Variants in SPATA6 observed in about 807,000 individuals in gnomAD.
SPATA6 encodes spermatogenesis-associated protein 6.
Under a neutral mutation model 65.3 loss-of-function variants are expected in SPATA6, and 56 were observed. The ratio of observed to expected loss-of-function variants is 0.86; its 90% CI spans 0.69 to 1.07. The LOEUF (loss-of-function observed/expected upper bound fraction) is 1.07. Ranked by LOEUF, SPATA6 falls within the 50% of genes least tolerant of loss-of-function variation. The pLI is 0.00. For synonymous variants in SPATA6, 199 were observed against 213.2 expected, an observed-to-expected ratio of 0.93 and a Z score of 0.58; for missense variants, 590 against 594.8, an observed-to-expected ratio of 0.99 and a Z score of 0.08.
At chr1:48,377,290 T>C (rs1648032321) in intron 9 of SPATA6, among the ~76,000 whole-genome samples, 1 of 149,596 alleles carries the variant, frequency 6.7e-6, no homozygotes, top group Non-Finnish European at 1.5e-5. Context: ...AAATCTCCAA[T>C]ATGTCCTAAA....
Position 48,296,371 on chromosome 1 carries a change from GCCC to G in SPATA6, c.*2339_*2341del, listed in dbSNP as rs765571711. 3.9e-5 allele frequency: 6 copies of G among 152,232 alleles called. No homozygotes were observed. Among genetic ancestry groups the G allele is most frequent in the Non-Finnish European group, 5.9e-5 (4 of 67,982 alleles). The allele number at this position is 152,232 out of a possible 1,614,324, so 9.4% of individuals were successfully genotyped here. On this transcript the variant is annotated 3_prime_UTR_variant, in exon 13 of 13. Transcript: ENST00000371847. ...AGATGCTATTAGTATCTGGGAATTTGCCCCCAACTTTCAGAAAGACACTAAATT... is the reference window on the plus strand; with the variant it reads ...AGATGCTATTAGTATCTGGGAATTTGCCAACTTTCAGAAAGACACTAAATT...
At chr1:48,366,143 C>G (rs563479640) in intron 9 of SPATA6, among the ~76,000 whole-genome samples, 3 of 152,156 alleles carry the variant, frequency 2.0e-5, no homozygotes, top group African/African-American at 7.2e-5. Flanking sequence ...AGGGATGAAG[C>G]CCACTTGATC....
At chr1:48,343,878 AC>A (rs1386682255) in intron 11 of SPATA6, among the ~76,000 whole-genome samples, 1 of 152,210 alleles carries the variant, frequency 6.6e-6, no homozygotes, top group Non-Finnish European at 1.5e-5. Context: ...CTTTGAAGTT[AC>A]CATCAAAGGA....
intron 3 of SPATA6, among the ~76,000 whole-genome samples, chr1:48,428,825 G>GTGTGTATATATA (rs1243627965): frequency 1.6e-5 from 2 of 123,784 alleles, no homozygotes; most frequent in Non-Finnish European, 3.6e-5. Flanking sequence ...GTATATATAT[G>GTGTGTATATATA]TGTGTATATA....
chr1:48,362,458 T>C (rs1646843809), intron 9 of SPATA6, among the ~76,000 whole-genome samples: 1 of 152,148 alleles, frequency 6.6e-6, no homozygotes, highest in Admixed American at 6.6e-5. Context: ...AGCATTGCTT[T>C]ATATAAAGCC....
intron 3 of SPATA6, among the ~76,000 whole-genome samples, chr1:48,424,948 C>T (rs543701173): frequency 6.6e-6 from 1 of 152,228 alleles, no homozygotes; most frequent in African/African-American, 2.4e-5. Context: ...GTTGTCTCTT[C>T]ACTTTGCTGT....
At chr1:48,444,073 T>C (rs1419869147) in intron 3 of SPATA6, among the ~76,000 whole-genome samples, 3 of 152,196 alleles carry the variant, frequency 2.0e-5, no homozygotes, top group African/African-American at 4.8e-5. Context: ...AGGAGTTGGG[T>C]TGTCCTGTTT....
At chr1:48,325,333 C>T (rs74964904) in intron 11 of SPATA6, 43,929 of 1,294,936 alleles carry the variant, frequency 0.034, 1,214 homozygotes, top group African/African-American at 0.13. Flanking sequence ...CACAGGCCCC[C>T]GTAGAGTCCT....
intron 12 of SPATA6, among the ~76,000 whole-genome samples, chr1:48,299,548 T>C (rs1242844889): frequency 3.6e-5 from 3 of 82,506 alleles, no homozygotes; most frequent in Non-Finnish European, 8.5e-5. Flanking sequence ...GAATGCATAG[T>C]TGCTAAAAGT....
At chr1:48,317,041 A>C (rs1286787435) in intron 11 of SPATA6, among the ~76,000 whole-genome samples, 2 of 152,190 alleles carry the variant, frequency 1.3e-5, no homozygotes, top group African/African-American at 4.8e-5. Flanking sequence ...AGGTGCTGGA[A>C]AGATGTGAAG....
rs1647053563 is a variant in SPATA6 at position 48,367,290 on chromosome 1, G to A, written c.910-7520C>T. ...ATATTCTGTTGATTTGGGGTGGAGA[G>A]TTCTGTAGATGTCTATTAGGTCTGC... On this transcript the variant is annotated intron_variant, in intron 9 of 12. Coordinates refer to ENST00000371847, the MANE Select transcript of SPATA6 (RefSeq NM_019073.4). Among the ~76,000 whole-genome samples the A allele has an allele frequency of 2.0e-5, 3 of 152,290 alleles. No homozygotes were observed. The South Asian group carries it at 6.2e-4, about 32-fold the overall frequency.
intron 11 of SPATA6, among the ~76,000 whole-genome samples, chr1:48,353,469 C>T (rs1043752881): frequency 1.2e-4 from 18 of 148,032 alleles, no homozygotes; most frequent in African/African-American, 4.0e-4. Flanking sequence ...TTACAAGATA[C>T]ATCCTTTACA....
At chr1:48,339,747 T>C (rs1244121915) in intron 11 of SPATA6, among the ~76,000 whole-genome samples, 2 of 151,816 alleles carry the variant, frequency 1.3e-5, no homozygotes, top group Non-Finnish European at 2.9e-5. Flanking sequence ...TGATAAAAAT[T>C]GGAAAGAGCG....
At chr1:48,439,557 A>G (rs1462865517) in intron 3 of SPATA6, among the ~76,000 whole-genome samples, 2 of 152,064 alleles carry the variant, frequency 1.3e-5, no homozygotes, top group East Asian at 3.8e-4. Flanking sequence ...TTGGGCAAGA[A>G]GAGTTTCTGC....
chr1:48,399,262 G>A, intron 7 of SPATA6, 89 bp downstream of exon 7: 2 of 1,384,016 alleles, frequency 1.4e-6, no homozygotes, highest in Non-Finnish European at 2.0e-6. Flanking sequence ...ATTAATATAA[G>A]CTAGAAGTTG....
At chr1:48,421,272 A>G (rs1035587879) in intron 3 of SPATA6, among the ~76,000 whole-genome samples, 2 of 151,674 alleles carry the variant, frequency 1.3e-5, no homozygotes, top group Non-Finnish European at 3.0e-5. Context: ...ATCATTACAC[A>G]ATGTATAAAT....
At chr1:48,425,817 G>C (rs1653783087) in intron 3 of SPATA6, among the ~76,000 whole-genome samples, 1 of 151,548 alleles carries the variant, frequency 6.6e-6, no homozygotes, top group South Asian at 2.1e-4. Context: ...TTAAATCCAG[G>C]TGGACTATAA....
chr1:48,348,619 T>C (rs921491282), intron 11 of SPATA6, among the ~76,000 whole-genome samples: 6 of 151,968 alleles, frequency 3.9e-5, no homozygotes, highest in Admixed American at 6.6e-5. Context: ...GCAACTTTCA[T>C]TGGAAAAAGG....
At chr1:48,386,507 A>G (rs577631326) in intron 8 of SPATA6, among the ~76,000 whole-genome samples, 2 of 152,330 alleles carry the variant, frequency 1.3e-5, no homozygotes, top group African/African-American at 2.4e-5. Context: ...TGAATAGATC[A>G]GCCAATAGAG....
Sources: gnomAD v4.1 joint callset for allele counts (sites outside exome capture counted in the v4.1 genomes callset) on GRCh38, gnomAD v4.1.1 for gene constraint, MANE v1.5 for transcripts, NCBI Gene and HGNC (gene_info 2026-07-23, HGNC 2026-07-21) for gene names.